NRXN3: variants seen among roughly 807,000 people sequenced by gnomAD.
The protein encoded by NRXN3 is neurexin 3.
NRXN3 carries 32 observed loss-of-function variants against 137.6 expected under a neutral mutation model. The ratio of observed to expected loss-of-function variants is 0.23; its 90% CI spans 0.18 to 0.31. NRXN3 has a LOEUF of 0.31. NRXN3 is among the 10% of genes least tolerant of loss of function. The pLI is 1.00. For missense variants in NRXN3, 1,574 were observed against 2,062.5 expected, an observed-to-expected ratio of 0.76 and a Z score of 4.59; for synonymous variants, 798 against 784.5, an observed-to-expected ratio of 1.02 and a Z score of -0.29.
intron 15 of NRXN3, among the ~76,000 whole-genome samples, chr14:79,221,114 T>C (rs149161506): frequency 0.011 from 1,680 of 152,290 alleles, 31 homozygotes; most frequent in African/African-American, 0.038. Context: ...TTGTATTCCA[T>C]GGTGTATATG....
At chr14:78,573,882 A>T (rs560769138) in intron 4 of NRXN3, among the ~76,000 whole-genome samples, 3 of 152,348 alleles carry the variant, frequency 2.0e-5, no homozygotes, top group African/African-American at 7.2e-5. Context: ...CGTATCCAAG[A>T]TATTCAGAGA....
intron 11 of NRXN3, among the ~76,000 whole-genome samples, chr14:78,958,789 A>G (rs1231342519): frequency 6.6e-6 from 1 of 152,236 alleles, no homozygotes; most frequent in African/African-American, 2.4e-5. Flanking sequence ...TGTTGCCATC[A>G]GATCTGGGCC....
chr14:78,997,884 G>A (rs2099533243), intron 15 of NRXN3, among the ~76,000 whole-genome samples: 1 of 152,102 alleles, frequency 6.6e-6, no homozygotes, highest in Non-Finnish European at 1.5e-5. Context: ...TATATAAATG[G>A]AATCATACAA....
chr14:79,797,314 G>C (rs1445316860), intron 19 of NRXN3, among the ~76,000 whole-genome samples: 1 of 152,120 alleles, frequency 6.6e-6, no homozygotes, highest in Non-Finnish European at 1.5e-5. Context: ...ATTATCTTCA[G>C]GAGTAGGTAG....
chr14:78,582,684 A>T (rs1053814827), intron 4 of NRXN3, among the ~76,000 whole-genome samples: 10 of 152,162 alleles, frequency 6.6e-5, no homozygotes, highest in African/African-American at 2.4e-4. Flanking sequence ...TTGATATTGA[A>T]CTTCCCAGCA....
chr14:79,317,525 G>C (rs1168565188), intron 15 of NRXN3, among the ~76,000 whole-genome samples: 2 of 152,038 alleles, frequency 1.3e-5, no homozygotes, highest in African/African-American at 4.8e-5. Flanking sequence ...GATTACATCT[G>C]TAGTGACCCT....
At chr14:79,610,193 G>A (rs170255) in intron 16 of NRXN3, among the ~76,000 whole-genome samples, 61,667 of 151,884 alleles carry the variant, frequency 0.41, 12,931 homozygotes, top group Middle Eastern at 0.64. Context: ...ATACTAAGAG[G>A]AAGGAAAAAT....
intron 4 of NRXN3, among the ~76,000 whole-genome samples, chr14:78,505,485 G>A (rs559484120): frequency 1.3e-5 from 2 of 152,100 alleles, no homozygotes; most frequent in Admixed American, 6.5e-5. Flanking sequence ...CTTCTAAAGG[G>A]GACTCCTGAT....
chr14:79,488,849 C>T (rs1249619696), intron 16 of NRXN3, among the ~76,000 whole-genome samples: 5 of 151,808 alleles, frequency 3.3e-5, no homozygotes, highest in African/African-American at 1.2e-4. Flanking sequence ...TGGGGGATCC[C>T]AAAATAAGTC....
chr14:79,248,671 C>T (rs1404751607), intron 15 of NRXN3: 1 of 152,194 alleles, frequency 6.6e-6, no homozygotes. Context: ...GTCAGTGAGT[C>T]GCCAATGCCT....
chr14:79,757,738 G>A (rs1226930457), intron 19 of NRXN3, among the ~76,000 whole-genome samples: 2 of 152,040 alleles, frequency 1.3e-5, no homozygotes, highest in African/African-American at 2.4e-5. Flanking sequence ...TGACCTTTCA[G>A]GACCTTGATT....
At chr14:78,205,540 G>C (rs546032695) in intron 1 of NRXN3, among the ~76,000 whole-genome samples, 1 of 152,360 alleles carries the variant, frequency 6.6e-6, no homozygotes, top group Admixed American at 6.5e-5. Flanking sequence ...TGAGGTGAAA[G>C]ATCAAAAAGT....
intron 4 of NRXN3, among the ~76,000 whole-genome samples, chr14:78,407,898 T>C (rs1020369715): frequency 2.6e-5 from 4 of 152,160 alleles, no homozygotes; most frequent in Non-Finnish European, 5.9e-5. Flanking sequence ...TTACTGTGCA[T>C]GGGATATGAG....
chr14:78,498,625 T>C (rs2095829206), intron 4 of NRXN3, among the ~76,000 whole-genome samples: 1 of 152,164 alleles, frequency 6.6e-6, no homozygotes, highest in Non-Finnish European at 1.5e-5. Context: ...CATACACTTA[T>C]ATTTGTTATG....
At chr14:79,499,665 A>C (rs1263572372) in intron 16 of NRXN3, among the ~76,000 whole-genome samples, 1 of 152,220 alleles carries the variant, frequency 6.6e-6, no homozygotes, top group Non-Finnish European at 1.5e-5. Context: ...GAAGGAATAA[A>C]GGATTGGAGC....
intron 6 of NRXN3, among the ~76,000 whole-genome samples, chr14:78,673,388 T>C (rs1324923798): frequency 1.3e-5 from 2 of 152,172 alleles, no homozygotes; most frequent in Non-Finnish European, 2.9e-5. Context: ...CAAGCAATGG[T>C]TCAAGCCACT....
At chr14:78,998,924 A>C (rs896904775) in intron 15 of NRXN3, among the ~76,000 whole-genome samples, 1 of 152,024 alleles carries the variant, frequency 6.6e-6, no homozygotes, top group Non-Finnish European at 1.5e-5. Context: ...AAAACACTTG[A>C]TTAAGCTCAG....
intron 15 of NRXN3, among the ~76,000 whole-genome samples, chr14:79,116,657 TGA>T (rs2054498926): frequency 6.6e-6 from 1 of 152,196 alleles, no homozygotes; most frequent in African/African-American, 2.4e-5. Context: ...TACCCCTTAA[TGA>T]TGATGTTTCT....
chr14:78,254,689 A>AG (rs1461671522), intron 2 of NRXN3, among the ~76,000 whole-genome samples: 1 of 151,852 alleles, frequency 6.6e-6, no homozygotes, highest in Non-Finnish European at 1.5e-5. Context: ...AAAAAAAAAA[A>AG]AAAAGATTGG....
Sources: gnomAD v4.1 joint callset for allele counts (sites outside exome capture counted in the v4.1 genomes callset) on GRCh38, gnomAD v4.1.1 for gene constraint, MANE v1.5 for transcripts, NCBI Gene and HGNC (gene_info 2026-07-23, HGNC 2026-07-21) for gene names.